GNB4: variants seen among roughly 807,000 people sequenced by gnomAD.
GNB4 encodes the protein guanine nucleotide-binding protein subunit beta-4.
A neutral mutation model predicts 45.2 loss-of-function variants in GNB4; 28 were observed. The observed-to-expected ratio is 0.62, with a 90% CI of 0.46 to 0.85. GNB4 has a LOEUF of 0.85. Ranked by LOEUF, GNB4 falls within the 40% of genes least tolerant of loss-of-function variation. The pLI is 0.00. For missense variants in GNB4, 321 were observed against 425.4 expected, an observed-to-expected ratio of 0.75 and a Z score of 2.16; for synonymous variants, 132 against 143.7, an observed-to-expected ratio of 0.92 and a Z score of 0.58.
chr3:179,525,674 T>A, the GNB4 span, among the ~76,000 whole-genome samples: 1 of 152,234 alleles, frequency 6.6e-6, no homozygotes, highest in Non-Finnish European at 1.5e-5. Flanking sequence ...CCCGAGTCCA[T>A]GACCAGCGCC....
intron 1 of GNB4, among the ~76,000 whole-genome samples, chr3:179,429,609 T>C (rs1487725615): frequency 6.6e-6 from 1 of 152,182 alleles, no homozygotes; most frequent in Non-Finnish European, 1.5e-5. Context: ...GGTCCAGAAC[T>C]TCAAGCCTTT....
the GNB4 span, among the ~76,000 whole-genome samples, chr3:179,503,613 T>C: frequency 6.6e-6 from 1 of 152,224 alleles, no homozygotes; most frequent in Non-Finnish European, 1.5e-5. Context: ...AGAACAGCTT[T>C]GATTTTCTGT....
the GNB4 span, among the ~76,000 whole-genome samples, chr3:179,473,619 T>C: frequency 1.9e-3 from 295 of 152,110 alleles, no homozygotes; most frequent in African/African-American, 6.3e-3. Flanking sequence ...TTTTCTCTTA[T>C]AGTTGAGATT....
At chr3:179,455,838 C>T (rs1042543168), upstream of GNB4, among the ~76,000 whole-genome samples, 10 of 152,158 alleles carry the variant, frequency 6.6e-5, no homozygotes, top group African/African-American at 2.2e-4. Flanking sequence ...ATGGCACTCT[C>T]ACATGGCTGG....
intron 4 of GNB4, among the ~76,000 whole-genome samples, chr3:179,418,413 T>A (rs1161158541): frequency 7.3e-6 from 1 of 136,574 alleles, no homozygotes; most frequent in Non-Finnish European, 1.5e-5. Context: ...GAGGTTGCAG[T>A]GAGCCGATAC....
the GNB4 span, among the ~76,000 whole-genome samples, chr3:179,461,390 G>A: frequency 1.3e-5 from 2 of 151,986 alleles, no homozygotes; most frequent in Middle Eastern, 3.2e-3. Context: ...CCAGCTACTC[G>A]GGAGGCTGAG....
chr3:179,460,206 G>A, the GNB4 span, among the ~76,000 whole-genome samples: 143 of 152,216 alleles, frequency 9.4e-4, no homozygotes, highest in African/African-American at 2.2e-3. Context: ...TTTCATGGAC[G>A]TTCTCATTGC....
At chr3:179,513,943 G>A in the GNB4 span, among the ~76,000 whole-genome samples, 2 of 152,082 alleles carry the variant, frequency 1.3e-5, no homozygotes, top group Non-Finnish European at 2.9e-5. Context: ...CCCCTACCTG[G>A]TAGTCATTGG....
chr3:179,497,435 G>A, the GNB4 span, among the ~76,000 whole-genome samples: 5 of 151,924 alleles, frequency 3.3e-5, no homozygotes, highest in South Asian at 4.2e-4. Flanking sequence ...TCTTCACATC[G>A]GTCTTGACAA....
chr3:179,511,031 C>G, the GNB4 span, among the ~76,000 whole-genome samples: 1 of 152,232 alleles, frequency 6.6e-6, no homozygotes, highest in African/African-American at 2.4e-5. Context: ...AAACCCACTG[C>G]CATGGGAGGT....
chr3:179,444,724 C>T (rs1034754571), intron 1 of GNB4, among the ~76,000 whole-genome samples: 1 of 152,080 alleles, frequency 6.6e-6, no homozygotes, highest in African/African-American at 2.4e-5. Context: ...AAAGTATATA[C>T]ATGCATACAT....
At chr3:179,466,014 T>G in the GNB4 span, among the ~76,000 whole-genome samples, 2 of 148,212 alleles carry the variant, frequency 1.3e-5, no homozygotes, top group African/African-American at 2.5e-5. Context: ...GTCGTTTTTT[T>G]TTTTTTTTTT....
intron 8 of GNB4, among the ~76,000 whole-genome samples, chr3:179,410,868 TAATA>T (rs1299874159): frequency 2.0e-5 from 3 of 152,136 alleles, no homozygotes; most frequent in South Asian, 2.1e-4. Flanking sequence ...ATTGAGAGTA[TAATA>T]AATAGCTGTA....
chr3:179,448,414 A>G (rs981311425), intron 1 of GNB4, among the ~76,000 whole-genome samples: 2 of 152,012 alleles, frequency 1.3e-5, no homozygotes, highest in African/African-American at 4.8e-5. Flanking sequence ...CCTACTACAC[A>G]GAGTTCAAGA....
chr3:179,485,963 A>G, the GNB4 span, among the ~76,000 whole-genome samples: 1 of 140,642 alleles, frequency 7.1e-6, no homozygotes, highest in Non-Finnish European at 1.5e-5. Context: ...AACAACAAAA[A>G]CTCAGTATCC....
the GNB4 span, among the ~76,000 whole-genome samples, chr3:179,468,035 A>AAATAT: frequency 2.0e-3 from 183 of 89,318 alleles, no homozygotes; most frequent in Middle Eastern, 6.4e-3. Flanking sequence ...TGTTGATAAA[A>AAATAT]ATATATATAT....
the GNB4 span, among the ~76,000 whole-genome samples, chr3:179,515,882 G>A: frequency 7.9e-5 from 12 of 152,280 alleles, no homozygotes; most frequent in South Asian, 2.1e-4. Context: ...TTTGTGATAA[G>A]GGGTGATATT....
the GNB4 span, among the ~76,000 whole-genome samples, chr3:179,522,020 C>A: frequency 6.6e-6 from 1 of 152,088 alleles, no homozygotes; most frequent in Non-Finnish European, 1.5e-5. Context: ...AAAATTTTCG[C>A]CGCCCCAACA....
At chr3:179,489,007 A>ATATATAT in the GNB4 span, among the ~76,000 whole-genome samples, 7 of 37,242 alleles carry the variant, frequency 1.9e-4, no homozygotes, top group African/African-American at 6.0e-4. Context: ...AAAAAAAAAA[A>ATATATAT]AAAAAAAAAA....
Sources: gnomAD v4.1 joint callset for allele counts (sites outside exome capture counted in the v4.1 genomes callset) on GRCh38, gnomAD v4.1.1 for gene constraint, MANE v1.5 for transcripts, NCBI Gene and HGNC (gene_info 2026-07-23, HGNC 2026-07-21) for gene names.